The following ABI3BP variants were observed in gnomAD, a reference collection of about 807,000 sequenced individuals.
ABI3BP encodes ABI family member 3 binding protein.
ABI3BP carries 216 observed loss-of-function variants against 268.6 expected under a neutral mutation model. The ratio of observed to expected loss-of-function variants is 0.80; its 90% confidence interval spans 0.72 to 0.90. The LOEUF (loss-of-function observed/expected upper bound fraction) is 0.90. Ranked by LOEUF, ABI3BP falls within the 40% of genes least tolerant of loss-of-function variation. The probability of loss-of-function intolerance (pLI) is 0.00; values close to 1 mark genes in which losing one functional copy is unlikely to be tolerated. For synonymous variants in ABI3BP, 730 were observed against 730.0 expected, an observed-to-expected ratio of 1.00 and a Z score of 0.00; for missense variants, 2,090 against 2,182.4, an observed-to-expected ratio of 0.96 and a Z score of 0.84.
chr3:100,940,829 T>TATATATATATATACATATAG (rs1244113888), intron 1 of ABI3BP, among the ~76,000 whole-genome samples: 3 of 41,232 alleles, frequency 7.3e-5, no homozygotes, highest in African/African-American at 8.8e-5. Flanking sequence ...TATATATATA[T>TATATATATATATACATATAG]ATGATATGAT....
At chr3:100,856,833 A>C (rs2098945422) in intron 14 of ABI3BP, among the ~76,000 whole-genome samples, 1 of 152,196 alleles carries the variant, frequency 6.6e-6, no homozygotes. Context: ...TGGGATGATA[A>C]ATACATGGCA....
chr3:100,915,098 C>T (rs1054588045), intron 2 of ABI3BP, among the ~76,000 whole-genome samples: 1 of 152,118 alleles, frequency 6.6e-6, no homozygotes, highest in South Asian at 2.1e-4. Context: ...TGTTTATTTG[C>T]TATTTAATAT....
intron 8 of ABI3BP, 82 bp from the exon 9 acceptor site, chr3:100,875,015 C>G: frequency 1.3e-6 from 1 of 766,300 alleles, no homozygotes; most frequent in Non-Finnish European, 2.1e-6. Flanking sequence ...TCAGATATTA[C>G]AAACTATGAA....
At chr3:100,972,399 G>A (rs1169327918) in intron 1 of ABI3BP, among the ~76,000 whole-genome samples, 2 of 152,054 alleles carry the variant, frequency 1.3e-5, no homozygotes, top group Admixed American at 6.6e-5. Context: ...GTTTAAAAAC[G>A]GTCCTACAGG....
chr3:100,850,589 GA>G, intron 16 of ABI3BP, 70 bp downstream of exon 16: 1 of 1,125,580 alleles, frequency 8.9e-7, no homozygotes, highest in South Asian at 1.3e-5. Flanking sequence ...TGGTCATTTG[GA>G]AGAAAGGCAT....
intron 1 of ABI3BP, among the ~76,000 whole-genome samples, chr3:100,987,940 G>T (rs2092232129): frequency 6.6e-6 from 1 of 152,204 alleles, no homozygotes; most frequent in African/African-American, 2.4e-5. Context: ...ATTTAGAACT[G>T]TAAAAGATGC....
At chr3:100,876,983 C>G (rs1488769008) in intron 6 of ABI3BP, among the ~76,000 whole-genome samples, 1 of 152,000 alleles carries the variant, frequency 6.6e-6, no homozygotes, top group Non-Finnish European at 1.5e-5. Context: ...AGCGAGACTC[C>G]ATCTCAAAAA....
chr3:100,989,987 G>A (rs1280887586), intron 1 of ABI3BP, among the ~76,000 whole-genome samples: 1 of 152,160 alleles, frequency 6.6e-6, no homozygotes, highest in African/African-American at 2.4e-5. Context: ...AAATCCCTGT[G>A]GAAAAGCTGA....
At chr3:100,900,690 G>C (rs2049896856) in intron 3 of ABI3BP, among the ~76,000 whole-genome samples, 1 of 152,040 alleles carries the variant, frequency 6.6e-6, no homozygotes, top group South Asian at 2.1e-4. Flanking sequence ...TTATGTGGCA[G>C]ATACAAATAT....
intron 62 of ABI3BP, among the ~76,000 whole-genome samples, chr3:100,766,325 G>A (rs1428475606): frequency 6.6e-6 from 1 of 152,226 alleles, no homozygotes; most frequent in Non-Finnish European, 1.5e-5. Context: ...ACTGTAGGAG[G>A]AGTGGTGCCT....
chr3:100,978,478 T>C (rs1225852094), intron 1 of ABI3BP, among the ~76,000 whole-genome samples: 1 of 152,216 alleles, frequency 6.6e-6, no homozygotes, highest in Non-Finnish European at 1.5e-5. Context: ...CTCCCACTAA[T>C]AGCTCATAAT....
chr3:100,932,268 C>T (rs926504511), intron 1 of ABI3BP, among the ~76,000 whole-genome samples: 3 of 151,910 alleles, frequency 2.0e-5, no homozygotes, highest in African/African-American at 4.8e-5. Flanking sequence ...AAATCTAGGG[C>T]GTATCATTCT....
At chr3:100,834,873 GA>G (rs1259345024) in intron 28 of ABI3BP, 100 bp from the exon 29 acceptor site, 61 of 1,125,470 alleles carry the variant, frequency 5.4e-5, no homozygotes, top group Non-Finnish European at 6.2e-5. Context: ...TAAGTCTTGA[GA>G]AATTTGTCTC....
At chr3:100,779,534 A>T (rs535435842) in intron 58 of ABI3BP, among the ~76,000 whole-genome samples, 15 of 152,304 alleles carry the variant, frequency 9.8e-5, no homozygotes, top group African/African-American at 3.6e-4. Context: ...GGCATAACAT[A>T]TGTTGGTTTT....
intron 1 of ABI3BP, among the ~76,000 whole-genome samples, chr3:100,935,984 G>T (rs2065949540): frequency 6.6e-6 from 1 of 151,598 alleles, no homozygotes; most frequent in African/African-American, 2.4e-5. Flanking sequence ...TCTCTTGCCT[G>T]ATTGCCCTGG....
At chr3:100,876,722 G>A (rs191876102) in intron 6 of ABI3BP, among the ~76,000 whole-genome samples, 162 bp from the exon 7 acceptor site, 114 of 152,170 alleles carry the variant, frequency 7.5e-4, no homozygotes, top group Non-Finnish European at 1.4e-3. Flanking sequence ...GCTCACACCT[G>A]TAATCCCAGC....
At chr3:100,927,101 G>A (rs967175680) in intron 1 of ABI3BP, among the ~76,000 whole-genome samples, 19 of 152,144 alleles carry the variant, frequency 1.2e-4, no homozygotes, top group Non-Finnish European at 1.9e-4. Context: ...TACTCAGGAT[G>A]GGGGTCGAGA....
At chr3:100,837,317 A>G in intron 26 of ABI3BP, 146 bp from the exon 27 acceptor site, 1 of 534,346 alleles carries the variant, frequency 1.9e-6, no homozygotes, top group Non-Finnish European at 3.1e-6. Flanking sequence ...CTTATTTATT[A>G]TGTGAGATGC....
intron 25 of ABI3BP, 44 bp downstream of exon 25, chr3:100,838,358 T>G (rs1377681495): frequency 6.5e-7 from 1 of 1,528,582 alleles, no homozygotes; most frequent in Admixed American, 2.0e-5. Context: ...TACTTACACA[T>G]TGTTTTCCTA....
Sources: gnomAD v4.1 joint callset for allele counts (sites outside exome capture counted in the v4.1 genomes callset) on GRCh38, gnomAD v4.1.1 for gene constraint, MANE v1.5 for transcripts, NCBI Gene and HGNC (gene_info 2026-07-23, HGNC 2026-07-21) for gene names.